ZSCAN25: variants seen among roughly 807,000 people sequenced by gnomAD.
The protein encoded by ZSCAN25 is zinc finger and SCAN domain containing 25, also known as zinc finger and SCAN domain-containing protein 25.
Under a neutral mutation model 38.7 loss-of-function variants are expected in ZSCAN25, and 27 were observed. The ratio of observed to expected loss-of-function variants is 0.70; its 90% confidence interval spans 0.51 to 0.96. ZSCAN25 has a LOEUF of 0.96. ZSCAN25 is among the 40% of genes least tolerant of loss of function. The pLI, the probability that ZSCAN25 is intolerant of heterozygous loss-of-function variation, is 0.00. For missense variants in ZSCAN25, 637 were observed against 705.9 expected (o/e 0.90, Z 1.11); for synonymous variants, 273 against 277.7 (o/e 0.98, Z 0.17).
rs970339437 is a variant in ZSCAN25 at position 99,631,878 on chromosome 7, A to G, written c.*1858A>G. On this transcript the variant is annotated 3_prime_UTR_variant, in exon 8 of 8. Coordinates refer to ENST00000394152, the MANE Select transcript of ZSCAN25 (RefSeq NM_145115.3). ...CTGCTCCTCTGTAATACTGAGGTCC[A>G]CATGCAAAATCAGCTTTTTTTCCCC... 2 of 985,398 alleles carry G rather than the reference A, an allele frequency of 2.0e-6. No individual in the cohort carries two copies. Among genetic ancestry groups the G allele is most frequent in the South Asian group, 4.7e-5 (1 of 21,292 alleles). The allele number at this position is 985,398 out of a possible 1,614,324, so 61.0% of individuals were successfully genotyped here.
At chr7:99,704,878 C>T in the ZSCAN25 span, among the ~76,000 whole-genome samples, 21 of 152,072 alleles carry the variant, frequency 1.4e-4, no homozygotes, top group Non-Finnish European at 2.9e-4. Flanking sequence ...AGGAGAATGG[C>T]GTGAACCTGG....
chr7:99,680,394 A>G, the ZSCAN25 span, among the ~76,000 whole-genome samples: 1 of 152,158 alleles, frequency 6.6e-6, no homozygotes, highest in Non-Finnish European at 1.5e-5. Flanking sequence ...CCCTTCTGCT[A>G]AAATTTTTCC....
chr7:99,679,477 G>A, the ZSCAN25 span, among the ~76,000 whole-genome samples: 1 of 152,276 alleles, frequency 6.6e-6, no homozygotes, highest in Admixed American at 6.5e-5. Flanking sequence ...CTGGGAAGGG[G>A]ATGAGGATCA....
chr7:99,642,475 G>T, the ZSCAN25 span, among the ~76,000 whole-genome samples: 1 of 152,164 alleles, frequency 6.6e-6, no homozygotes, highest in Admixed American at 6.5e-5. Context: ...GATGACTCCA[G>T]CTCCAGTCCC....
downstream of ZSCAN25, among the ~76,000 whole-genome samples, chr7:99,633,504 T>C (rs1054958094): frequency 2.6e-5 from 4 of 152,240 alleles, no homozygotes; most frequent in Non-Finnish European, 4.4e-5. Flanking sequence ...AATGAGCTAG[T>C]TACTTTTTGC....
the ZSCAN25 span, chr7:99,652,605 G>A: frequency 1.9e-6 from 3 of 1,614,028 alleles, no homozygotes; most frequent in Middle Eastern, 1.7e-4. Context: ...TCATGGTGAA[G>A]AGCATAAGTT....
chr7:99,659,887 T>A, the ZSCAN25 span: 1 of 150,030 alleles, frequency 6.7e-6, no homozygotes, highest in Non-Finnish European at 1.5e-5. Context: ...GCGCGGGATA[T>A]AATCTCCTGG....
the ZSCAN25 span, among the ~76,000 whole-genome samples, chr7:99,694,749 A>G: frequency 0.014 from 1,865 of 134,322 alleles, 15 homozygotes; most frequent in Non-Finnish European, 0.021. Flanking sequence ...GGGAAAGATG[A>G]TCTAAGCCAC....
chr7:99,674,562 C>T, the ZSCAN25 span: 5 of 1,613,810 alleles, frequency 3.1e-6, no homozygotes, highest in African/African-American at 1.3e-5. Flanking sequence ...TTTTATAGCA[C>T]TCTGTGTCAA....
At chr7:99,660,214 C>CTT in the ZSCAN25 span, 189 of 429,906 alleles carry the variant, frequency 4.4e-4, 7 homozygotes, top group African/African-American at 4.4e-3. Flanking sequence ...CGCCACACTC[C>CTT]TTTTTTTTTT....
the ZSCAN25 span, among the ~76,000 whole-genome samples, chr7:99,731,914 C>T: frequency 6.6e-6 from 1 of 152,180 alleles, no homozygotes; most frequent in Admixed American, 6.5e-5. Context: ...TCCTGAATGA[C>T]ACTGTGCAGA....
At chr7:99,657,303 A>T in the ZSCAN25 span, among the ~76,000 whole-genome samples, 1 of 152,202 alleles carries the variant, frequency 6.6e-6, no homozygotes, top group East Asian at 1.9e-4. Flanking sequence ...TGTTGGTTTC[A>T]AAGAACATCT....
the ZSCAN25 span, among the ~76,000 whole-genome samples, chr7:99,706,312 C>T: frequency 6.6e-6 from 1 of 152,162 alleles, no homozygotes; most frequent in Non-Finnish European, 1.5e-5. Flanking sequence ...CCAGAAGTGC[C>T]AGCTTGGGAC....
intron 6 of ZSCAN25, 83 bp downstream of exon 6, chr7:99,622,723 T>C (rs1807089855): frequency 7.5e-7 from 1 of 1,333,660 alleles, no homozygotes; most frequent in Non-Finnish European, 1.1e-6. Context: ...TGCACAACAG[T>C]GTTCCCTTCC....
chr7:99,692,274 T>TG, the ZSCAN25 span, among the ~76,000 whole-genome samples: 1 of 152,250 alleles, frequency 6.6e-6, no homozygotes, highest in Admixed American at 6.5e-5. Flanking sequence ...GCTGTTAGTC[T>TG]GGTGGACTTC....
At chr7:99,669,779 A>G in the ZSCAN25 span, among the ~76,000 whole-genome samples, 12 of 152,366 alleles carry the variant, frequency 7.9e-5, no homozygotes, top group African/African-American at 2.6e-4. Flanking sequence ...CAAGAGATTT[A>G]TATGAAGCAG....
At chr7:99,620,327 A>G (rs764466935) in intron 4 of ZSCAN25, 2 of 250,008 alleles carry the variant, frequency 8.0e-6, no homozygotes, top group Admixed American at 4.9e-5. Context: ...TTGGACAGAG[A>G]TGCCTCTGGG....
the ZSCAN25 span, among the ~76,000 whole-genome samples, chr7:99,691,212 A>G: frequency 2.0e-5 from 3 of 151,488 alleles, no homozygotes; most frequent in Non-Finnish European, 4.4e-5. Flanking sequence ...CAAACACCGC[A>G]TGTACTCACT....
At chr7:99,677,623 C>T in the ZSCAN25 span, among the ~76,000 whole-genome samples, 1 of 152,182 alleles carries the variant, frequency 6.6e-6, no homozygotes, top group African/African-American at 2.4e-5. Context: ...TGAGAAATTA[C>T]ATGAAGGGCA....
Sources: allele counts gnomAD v4.1 joint callset (sites outside exome capture counted in the v4.1 genomes callset), GRCh38; gene constraint gnomAD v4.1.1; transcripts MANE v1.5; gene names NCBI Gene and HGNC (gene_info 2026-07-23, HGNC 2026-07-21).